The following DAGLB variants were observed in gnomAD, a reference collection of about 807,000 sequenced individuals.
The protein encoded by DAGLB is diacylglycerol lipase beta, also known as diacylglycerol lipase-beta.
Under a neutral mutation model 72.1 loss-of-function variants are expected in DAGLB, and 66 were observed. That is an observed-to-expected ratio of 0.92 (90% CI 0.75 to 1.12). DAGLB has a LOEUF of 1.12. Among genes scored for constraint, DAGLB ranks in the 50% most tolerant of loss-of-function variants. The pLI, the probability that DAGLB is intolerant of heterozygous loss-of-function variation, is 0.00. For synonymous variants in DAGLB, 414 were observed against 359.5 expected, an observed-to-expected ratio of 1.15 and a Z score of -1.71; for missense variants, 1,065 against 884.9, an observed-to-expected ratio of 1.20 and a Z score of -2.58.
chr7:6,417,504 T>C (rs1583283626), intron 9 of DAGLB: 1 of 153,562 alleles, frequency 6.5e-6, no homozygotes, highest in African/African-American at 2.4e-5. Context: ...CACCGTTTTG[T>C]GCTGTGTGAA....
At chr7:6,426,496 C>G (rs1020629709) in intron 6 of DAGLB, among the ~76,000 whole-genome samples, 2 of 152,170 alleles carry the variant, frequency 1.3e-5, no homozygotes, top group Non-Finnish European at 2.9e-5. Context: ...TTTTAAACTC[C>G]TGACCTCAGG....
chr7:6,442,316 A>T (rs1422514797), intron 2 of DAGLB, among the ~76,000 whole-genome samples: 1 of 152,180 alleles, frequency 6.6e-6, no homozygotes, highest in Admixed American at 6.5e-5. Context: ...AGCTCTGACC[A>T]CAAGTACATG....
intron 2 of DAGLB, among the ~76,000 whole-genome samples, chr7:6,439,662 C>T (rs1343311909): frequency 6.6e-6 from 1 of 152,202 alleles, no homozygotes; most frequent in Non-Finnish European, 1.5e-5. Flanking sequence ...AAGGGTTCTT[C>T]TGTCAAAACA....
At chr7:6,426,251 T>C (rs1784307463) in intron 6 of DAGLB, 137 bp from the exon 7 acceptor site, 3 of 1,302,368 alleles carry the variant, frequency 2.3e-6, no homozygotes, top group Admixed American at 2.3e-5. Flanking sequence ...TGACATGGAA[T>C]GGCTTTTTAA....
At chr7:6,444,429 G>A (rs1258818969) in intron 2 of DAGLB, among the ~76,000 whole-genome samples, 1 of 151,822 alleles carries the variant, frequency 6.6e-6, no homozygotes, top group Non-Finnish European at 1.5e-5. Flanking sequence ...TGGTAAAACC[G>A]CATCTCTACT....
Position 6,430,514 on chromosome 7 carries a change from G to T in DAGLB, c.895C>A (p.Pro299Thr). 6.3e-7 allele frequency: 1 copy of T among 1,599,066 alleles called. No individual in the cohort carries two copies. The highest frequency in any genetic ancestry group is 8.5e-7 in the Non-Finnish European group (1 of 1,170,110). ...YGWPLYIYRN[P>T]LTGLCRIGGD... The stretch of plus-strand genomic sequence containing the variant: ...CCAATCCTGCACAGCCCCGTGAGGG[G>T]GTTTCTGTAGATGTAGAGGGGCCAC... The change falls in exon 6 of 15, where the codon CCC becomes ACC. Residue 299 changes from proline to threonine, a missense_variant. Coordinates refer to ENST00000297056, the MANE Select transcript of DAGLB (RefSeq NM_139179.4).
intron 8 of DAGLB, among the ~76,000 whole-genome samples, chr7:6,423,063 G>A (rs1784183442): frequency 6.6e-6 from 1 of 152,114 alleles, no homozygotes; most frequent in Non-Finnish European, 1.5e-5. Context: ...ACCAGCCTGG[G>A]CAACATAGTG....
At chr7:6,435,359 G>C in intron 3 of DAGLB, 1 of 235,986 alleles carries the variant, frequency 4.2e-6, no homozygotes, top group Non-Finnish European at 8.7e-6. Flanking sequence ...GGTGGCACGT[G>C]CCTGTAGTCC....
intron 9 of DAGLB, among the ~76,000 whole-genome samples, chr7:6,419,488 C>T (rs1784036805): frequency 1.3e-5 from 2 of 152,220 alleles, no homozygotes; most frequent in African/African-American, 2.4e-5. Context: ...AATGCCAAAG[C>T]CCTTTCGGCC....
At chr7:6,435,059 G>A in intron 3 of DAGLB, 39 bp from the exon 4 acceptor site, 4 of 1,600,836 alleles carry the variant, frequency 2.5e-6, no homozygotes, top group Non-Finnish European at 3.4e-6. Flanking sequence ...GTGACTGCGG[G>A]CCCCAGCCCA....
Position 6,434,789 on chromosome 7 carries a change from C to T in DAGLB, c.651G>A (p.Thr217=), listed in dbSNP as rs753919500. ...AAAAGTAGGTTGAGAAAAGCTCTGCCGTACTCGAAAAAGCAACCCGAGTAT... is the reference window on the plus strand; with the variant it reads ...AAAAGTAGGTTGAGAAAAGCTCTGCTGTACTCGAAAAAGCAACCCGAGTAT... ...DDHTRVAFSS[T]AELFSTYFSD... The change falls in exon 4 of 15, where the codon ACG becomes ACA. Residue 217 remains threonine (T), a synonymous_variant. Coordinates refer to ENST00000297056, the MANE Select transcript of DAGLB (RefSeq NM_139179.4). The T allele has an allele frequency of 1.2e-5, 20 of 1,614,150 alleles. No individual in the cohort carries two copies. The East Asian group carries it at 1.3e-4, about 11-fold the overall frequency.
chr7:6,445,747 G>A (rs1489475822), intron 2 of DAGLB: 15 of 491,884 alleles, frequency 3.0e-5, no homozygotes, highest in East Asian at 1.1e-4. Context: ...ACAGGTGTGA[G>A]CCACTGTGTC....
At chr7:6,422,432 C>T (rs918291307) in intron 8 of DAGLB, 1 of 173,602 alleles carries the variant, frequency 5.8e-6, no homozygotes, top group Admixed American at 5.6e-5. Context: ...TGCTGTGCTG[C>T]TGGGCTGGAG....
At chr7:6,445,774 T>A (rs947040278) in intron 2 of DAGLB, 179 bp downstream of exon 2, 5 of 677,646 alleles carry the variant, frequency 7.4e-6, no homozygotes, top group Non-Finnish European at 1.1e-5. Context: ...GGTACAGGAT[T>A]TCTTTCAGGA....
intron 3 of DAGLB, chr7:6,435,464 G>A (rs576215464): frequency 1.0e-4 from 16 of 153,858 alleles, no homozygotes; most frequent in Non-Finnish European, 1.7e-4. Context: ...CCAGCCGGGC[G>A]ACAGAGGGAG....
At chr7:6,444,854 C>A (rs936162227) in intron 2 of DAGLB, among the ~76,000 whole-genome samples, 2 of 151,348 alleles carry the variant, frequency 1.3e-5, no homozygotes, top group African/African-American at 2.4e-5. Context: ...TACAGTGAGC[C>A]GAGATTGCGC....
chr7:6,423,603 TTC>T (rs1400416359), intron 8 of DAGLB, among the ~76,000 whole-genome samples: 14 of 150,460 alleles, frequency 9.3e-5, no homozygotes, highest in Admixed American at 6.6e-5. Flanking sequence ...TTTTTTTTTT[TTC>T]TGAGACAGGG....
chr7:6,446,195 G>T, intron 1 of DAGLB, 91 bp from the exon 2 acceptor site: 1 of 1,381,602 alleles, frequency 7.2e-7, no homozygotes, highest in Non-Finnish European at 9.5e-7. Flanking sequence ...GGGACAGGGC[G>T]CGGTGGCTCA....
At chr7:6,424,444 T>C (rs940467139) in intron 8 of DAGLB, among the ~76,000 whole-genome samples, 1 of 151,962 alleles carries the variant, frequency 6.6e-6, no homozygotes, top group Non-Finnish European at 1.5e-5. Flanking sequence ...CTCCCGGGTG[T>C]GGGGCCTGGC....
Sources: allele counts gnomAD v4.1 joint callset (sites outside exome capture counted in the v4.1 genomes callset), GRCh38; gene constraint gnomAD v4.1.1; transcripts MANE v1.5; gene names NCBI Gene and HGNC (gene_info 2026-07-23, HGNC 2026-07-21).